MSH4: variants seen among roughly 807,000 people sequenced by gnomAD.
MSH4 encodes mutS homolog 4.
MSH4 carries 106 observed loss-of-function variants against 113.7 expected under a neutral mutation model. The ratio of observed to expected loss-of-function variants is 0.93; its 90% CI spans 0.80 to 1.10. MSH4 has a LOEUF of 1.10. Ranked by LOEUF, MSH4 falls within the 50% of genes least tolerant of loss-of-function variation. The probability of loss-of-function intolerance (pLI) is 0.00; values close to 1 mark genes in which losing one functional copy is unlikely to be tolerated. For missense variants in MSH4, 1,061 were observed against 1,093.7 expected (o/e 0.97, Z 0.42); for synonymous variants, 368 against 380.2 (o/e 0.97, Z 0.37).
intron 19 of MSH4, among the ~76,000 whole-genome samples, chr1:75,900,678 A>G (rs1192989771): frequency 6.6e-6 from 1 of 152,112 alleles, no homozygotes; most frequent in Non-Finnish European, 1.5e-5. Context: ...TTTCTTCAAT[A>G]ACAATTTTCT....
rs556902744 is a variant in MSH4 at position 75,816,312 on chromosome 1, G to C, written c.816-61G>C. 1.3e-3 allele frequency: 1,516 copies of C among 1,124,132 alleles called. 2 individuals carry two copies. The highest frequency in any genetic ancestry group is 1.6e-3 in the Middle Eastern group (5 of 3,038). 69.6% of individuals were successfully genotyped at this position (1,124,132 alleles called of 1,614,324 possible). On this transcript the variant is annotated intron_variant, in intron 5 of 19. Coordinates refer to ENST00000263187, the MANE Select transcript of MSH4 (RefSeq NM_002440.4). ...GCAAATATTTATAATTTTTCTTAAG[G>C]GGAAATAGATAATTTTTTATATTAA...
At chr1:75,807,542 A>G (rs1650095528) in intron 3 of MSH4, among the ~76,000 whole-genome samples, 1 of 152,222 alleles carries the variant, frequency 6.6e-6, no homozygotes, top group African/African-American at 2.4e-5. Context: ...TGAAATCCTG[A>G]AAGCTTAATT....
chr1:75,810,412 A>ATTT (rs760146124), intron 3 of MSH4, among the ~76,000 whole-genome samples: 27,408 of 104,272 alleles, frequency 0.26, 4,496 homozygotes, highest in East Asian at 0.68. Context: ...TAATTTTTGT[A>ATTT]TTTTTTTTTT....
chr1:75,823,297 T>G (rs746186068), intron 7 of MSH4, among the ~76,000 whole-genome samples: 1 of 152,238 alleles, frequency 6.6e-6, no homozygotes, highest in African/African-American at 2.4e-5. Flanking sequence ...AATTTCCAAA[T>G]AAGGTCACAC....
chr1:75,907,684 C>CTCTCTCTACATATATATATATA (rs1307238647), intron 19 of MSH4, among the ~76,000 whole-genome samples: 1 of 46,574 alleles, frequency 2.1e-5, no homozygotes, highest in Non-Finnish European at 3.7e-5. Context: ...CTCTCTCTCT[C>CTCTCTCTACATATATATATATA]TATACATATA....
chr1:75,899,750 A>G (rs1345886283), intron 19 of MSH4, 44 bp downstream of exon 19: 1 of 1,088,398 alleles, frequency 9.2e-7, no homozygotes, highest in African/African-American at 1.7e-5. Context: ...TAAAAAAAAT[A>G]CTTTTAGTGT....
At chr1:75,831,698 T>A (rs113102136) in intron 7 of MSH4, among the ~76,000 whole-genome samples, 1 of 151,946 alleles carries the variant, frequency 6.6e-6, no homozygotes, top group East Asian at 1.9e-4. Context: ...GGGTACATAA[T>A]GAAATGAAGG....
chr1:75,869,475 T>C lies in MSH4; in HGVS notation c.1305+1887T>C, dbSNP rs186035182. Among the ~76,000 whole-genome samples the C allele has an allele frequency of 4.5e-3, 691 of 152,282 alleles. 4 individuals are homozygous for C. Among genetic ancestry groups the C allele is most frequent in the Admixed American group, 8.8e-3 (135 of 15,300 alleles). Reference sequence around the variant, plus strand: ...ATGGGGAAAATGTCTCCAGGTCATGTCAGAGACCTTTATGGCAGCCCCTTC... The same window carrying C: ...ATGGGGAAAATGTCTCCAGGTCATGCCAGAGACCTTTATGGCAGCCCCTTC... On this transcript the variant is annotated intron_variant, in intron 9 of 19. Transcript: ENST00000263187.
intron 6 of MSH4, among the ~76,000 whole-genome samples, chr1:75,818,668 T>C (rs1650343011): frequency 1.3e-5 from 2 of 152,210 alleles, no homozygotes; most frequent in African/African-American, 4.8e-5. Context: ...CATTCAGTTC[T>C]CAACTCTACT....
chr1:75,861,970 A>T (rs1231074236), intron 8 of MSH4, among the ~76,000 whole-genome samples: 1 of 151,780 alleles, frequency 6.6e-6, no homozygotes, highest in Non-Finnish European at 1.5e-5. Context: ...TGTGTATAGA[A>T]CCACCTACTC....
chr1:75,840,435 T>C (rs1328113317), intron 7 of MSH4, among the ~76,000 whole-genome samples: 9 of 143,934 alleles, frequency 6.3e-5, no homozygotes, highest in South Asian at 4.5e-4. Flanking sequence ...AACCAAACAC[T>C]GCATATTCTC....
chr1:75,804,671 C>T lies in MSH4; in HGVS notation c.427+758C>T, dbSNP rs549056239. On this transcript the variant is annotated intron_variant, in intron 2 of 19. Coordinates refer to ENST00000263187, the MANE Select transcript of MSH4 (RefSeq NM_002440.4). The stretch of plus-strand genomic sequence containing the variant: ...GACTACAGGTGCTTGCTACCACGCC[C>T]GGCTAATTTTTGTATTTTTAGTAGA... 1.0e-3 allele frequency among the ~76,000 whole-genome samples: 153 copies of T among 151,254 alleles called. 1 individual carries two copies. Among genetic ancestry groups the T allele is most frequent in the Non-Finnish European group, 1.6e-3 (106 of 67,834 alleles).
chr1:75,885,286 A>C (rs1652047128), intron 15 of MSH4, among the ~76,000 whole-genome samples: 1 of 122,216 alleles, frequency 8.2e-6, no homozygotes, highest in Non-Finnish European at 1.6e-5. Flanking sequence ...TACCGTATAT[A>C]TACTACGTAG....
At position 75,912,930 on chromosome 1, in the gene MSH4, A is replaced by G. The variant is rs749705802; in HGVS notation, c.*43A>G. 3.2e-6 allele frequency: 4 copies of G among 1,237,904 alleles called. No homozygotes were observed. The highest frequency in any genetic ancestry group is 2.2e-5 in the South Asian group (1 of 44,548). The allele number at this position is 1,237,904 out of a possible 1,614,324, so 76.7% of individuals were successfully genotyped here. On this transcript the variant is annotated 3_prime_UTR_variant, in exon 20 of 20. Coordinates refer to ENST00000263187, the MANE Select transcript of MSH4 (RefSeq NM_002440.4). ...TAATATATCTTAATTCAAGGAACCT[A>G]GAATTTATTTTTCTCCTTAGAGATA...
intron 8 of MSH4, among the ~76,000 whole-genome samples, chr1:75,855,327 T>C (rs1220477908): frequency 2.0e-5 from 3 of 152,178 alleles, no homozygotes; most frequent in Non-Finnish European, 2.9e-5. Context: ...TGTGAGTCAC[T>C]GTGCCTGGCC....
intron 17 of MSH4, among the ~76,000 whole-genome samples, chr1:75,893,214 C>T (rs1190948073): frequency 6.6e-6 from 1 of 152,184 alleles, no homozygotes; most frequent in Non-Finnish European, 1.5e-5. Flanking sequence ...ACCAAATTGC[C>T]AGCTCATTGC....
chr1:75,876,273 G>A (rs1236435464), intron 9 of MSH4, among the ~76,000 whole-genome samples: 1 of 151,958 alleles, frequency 6.6e-6, no homozygotes, highest in African/African-American at 2.4e-5. Flanking sequence ...TATTTAGAAT[G>A]TTTATCTTTG....
intron 8 of MSH4, among the ~76,000 whole-genome samples, chr1:75,863,635 T>C (rs1030560498): frequency 2.0e-5 from 3 of 152,134 alleles, no homozygotes; most frequent in Admixed American, 2.0e-4. Flanking sequence ...TATCTGTAAT[T>C]TGTGTATCTA....
intron 19 of MSH4, among the ~76,000 whole-genome samples, chr1:75,904,895 A>C (rs1652587874): frequency 6.6e-6 from 1 of 152,036 alleles, no homozygotes. Context: ...AGTTGTTTAC[A>C]ATAGTCTCTA....
Sources: allele counts gnomAD v4.1 joint callset (sites outside exome capture counted in the v4.1 genomes callset), GRCh38; gene constraint gnomAD v4.1.1; transcripts MANE v1.5; gene names NCBI Gene and HGNC (gene_info 2026-07-23, HGNC 2026-07-21).